Variants in CFAP20DC observed in about 807,000 individuals in gnomAD.
CFAP20DC encodes CFAP20 domain containing.
A neutral mutation model predicts 101.7 loss-of-function variants in CFAP20DC; 84 were observed. The observed-to-expected ratio is 0.83, with a 90% confidence interval of 0.69 to 0.99. The LOEUF (loss-of-function observed/expected upper bound fraction) is 0.99. Among genes scored for constraint, CFAP20DC ranks in the 50% least tolerant of loss-of-function variants. The pLI, the probability that CFAP20DC is intolerant of heterozygous loss-of-function variation, is 0.00. For synonymous variants in CFAP20DC, 359 were observed against 351.2 expected (o/e 1.02, Z -0.25); for missense variants, 1,007 against 970.3 (o/e 1.04, Z -0.50).
chr3:58,807,039 C>G (rs1478975212), intron 14 of CFAP20DC, among the ~76,000 whole-genome samples: 1 of 152,202 alleles, frequency 6.6e-6, no homozygotes, highest in South Asian at 2.1e-4. Flanking sequence ...ATTGCCCAGA[C>G]TTGCTTAGGT....
rs1253321407 is a variant in CFAP20DC at position 58,964,778 on chromosome 3, A to G, written c.279-27016T>C. On this transcript the variant is annotated intron_variant, in intron 4 of 16. Coordinates refer to ENST00000482387, the MANE Select transcript of CFAP20DC (RefSeq NM_001394063.1). The surrounding 1 kb of genome is among the most constrained non-coding windows in gnomAD (Gnocchi z 4.1). ...CGGAACCATAATTAACATAGCTCCT[A>G]TTAGATTTTGGTGATTACATCATTG... Among the ~76,000 whole-genome samples the G allele has an allele frequency of 6.6e-6, 1 of 152,154 alleles. No homozygotes were observed. Among genetic ancestry groups the G allele is most frequent in the Non-Finnish European group, 1.5e-5 (1 of 68,018 alleles).
chr3:58,864,430 A>T lies in CFAP20DC; in HGVS notation c.1259-538T>A, dbSNP rs1039634064. On this transcript the variant is annotated intron_variant, in intron 11 of 16. Coordinates refer to ENST00000482387, the MANE Select transcript of CFAP20DC (RefSeq NM_001394063.1). This position sits in a 1 kb window ranked among gnomAD's most constrained non-coding sequence, Gnocchi z 4.7. The stretch of plus-strand genomic sequence containing the variant: ...GGCAACTCATTTGCACTTCCTCTCC[A>T]TTTGAGTTGAAACACTGACCAGGAA... 4.6e-5 allele frequency among the ~76,000 whole-genome samples: 7 copies of T among 152,198 alleles called. No individual in the cohort carries two copies. The highest frequency in any genetic ancestry group is 8.8e-5 in the Non-Finnish European group (6 of 68,034).
At chr3:58,982,866 C>CA (rs200851338) in intron 4 of CFAP20DC, among the ~76,000 whole-genome samples, 3,180 of 151,650 alleles carry the variant, frequency 0.021, 102 homozygotes, top group African/African-American at 0.072. Flanking sequence ...ATAATAAAAA[C>CA]AAAAAAAGTT....
chr3:58,955,957 T>C lies in CFAP20DC; in HGVS notation c.279-18195A>G, dbSNP rs115475446. On this transcript the variant is annotated intron_variant, in intron 4 of 16. Transcript: ENST00000482387. ...CACTCTGGGCCAGAAGGGAACCCAC[T>C]GCCTTGGAGGAAAGATTCAGTATGG... Among the ~76,000 whole-genome samples the C allele has an allele frequency of 4.8e-3, 732 of 151,386 alleles. 4 individuals are homozygous for C. Among genetic ancestry groups the C allele is most frequent in the South Asian group, 0.015 (71 of 4,762 alleles).
intron 14 of CFAP20DC, among the ~76,000 whole-genome samples, chr3:58,806,715 T>C (rs1203204632): frequency 6.6e-6 from 1 of 152,110 alleles, no homozygotes; most frequent in Non-Finnish European, 1.5e-5. Flanking sequence ...AGATAGTGGG[T>C]GCAGGACAGT....
At chr3:58,934,143 C>A (rs1390583249) in intron 5 of CFAP20DC, among the ~76,000 whole-genome samples, 2 of 152,204 alleles carry the variant, frequency 1.3e-5, no homozygotes, top group Non-Finnish European at 2.9e-5. Flanking sequence ...ACTACAAACA[C>A]CTCTATGCAA....
At chr3:58,966,517 TATAA>T (rs1576516879) in intron 4 of CFAP20DC, among the ~76,000 whole-genome samples, 1 of 146,352 alleles carries the variant, frequency 6.8e-6, no homozygotes, top group East Asian at 2.0e-4. Flanking sequence ...TGTGTATATA[TATAA>T]ATATATATAT....
chr3:58,887,875 TA>T (rs1450173409), intron 6 of CFAP20DC, among the ~76,000 whole-genome samples: 10 of 152,354 alleles, frequency 6.6e-5, no homozygotes, highest in Admixed American at 3.3e-4. Flanking sequence ...AAATGAAGAC[TA>T]ACCATTAAGC....
Position 58,870,167 on chromosome 3 carries a change from T to A in CFAP20DC, c.852+6A>T, listed in dbSNP as rs1263599799. ...CTTAGATAAGCTCTCCAAACCTTGCTCCTACCTCGCTGGATATCTTCATGT... is the reference window on the plus strand; with the variant it reads ...CTTAGATAAGCTCTCCAAACCTTGCACCTACCTCGCTGGATATCTTCATGT... On this transcript the variant is annotated splice_donor_region_variant and intron_variant, in intron 8 of 16. Coordinates refer to ENST00000482387, the MANE Select transcript of CFAP20DC (RefSeq NM_001394063.1). The A allele has an allele frequency of 1.3e-6, 2 of 1,596,332 alleles. No homozygotes were observed. Among genetic ancestry groups the A allele is most frequent in the Admixed American group, 3.4e-5 (2 of 59,298 alleles).
intron 4 of CFAP20DC, among the ~76,000 whole-genome samples, chr3:58,979,321 A>T (rs2092418426): frequency 6.6e-6 from 1 of 152,222 alleles, no homozygotes; most frequent in African/African-American, 2.4e-5. Context: ...GAATAAAAGT[A>T]GTCTCTATCT....
At chr3:58,927,934 G>A (rs2107623210) in intron 5 of CFAP20DC, among the ~76,000 whole-genome samples, 1 of 152,240 alleles carries the variant, frequency 6.6e-6, no homozygotes, top group South Asian at 2.1e-4. Flanking sequence ...AGCACCTCTT[G>A]GATTGGGAGG....
chr3:58,749,210 A>G (rs2068405166), intron 16 of CFAP20DC, among the ~76,000 whole-genome samples: 1 of 152,196 alleles, frequency 6.6e-6, no homozygotes, highest in Non-Finnish European at 1.5e-5. Flanking sequence ...ACTGTGTCCT[A>G]GAAGCCACAC....
intron 3 of CFAP20DC, among the ~76,000 whole-genome samples, chr3:59,041,924 A>G (rs190296855): frequency 6.6e-6 from 1 of 152,250 alleles, no homozygotes; most frequent in East Asian, 1.9e-4. Flanking sequence ...CTGAGCACCT[A>G]CTACGTACAA....
intron 6 of CFAP20DC, among the ~76,000 whole-genome samples, chr3:58,903,573 A>G (rs1179580929): frequency 1.3e-5 from 2 of 152,210 alleles, no homozygotes; most frequent in South Asian, 2.1e-4. Context: ...ACTTACAATC[A>G]TGGTGGAAGG....
intron 5 of CFAP20DC, among the ~76,000 whole-genome samples, chr3:58,923,983 A>G (rs1214614060): frequency 6.6e-6 from 1 of 151,928 alleles, no homozygotes; most frequent in Admixed American, 6.6e-5. Flanking sequence ...CCTGATTTCA[A>G]TTTTACTGAC....
intron 13 of CFAP20DC, among the ~76,000 whole-genome samples, chr3:58,845,796 A>C (rs991443018): frequency 6.6e-6 from 1 of 150,548 alleles, no homozygotes; most frequent in Non-Finnish European, 1.5e-5. Context: ...CCAGCAGCAC[A>C]TCAAAAAGCT....
At position 58,757,385 on chromosome 3, in the gene CFAP20DC, C is replaced by T. The variant is rs147408274; in HGVS notation, c.2238-3522G>A. Among the ~76,000 whole-genome samples the T allele has an allele frequency of 8.7e-4, 133 of 152,148 alleles. 1 individual carries two copies. Among genetic ancestry groups the T allele is most frequent in the African/African-American group, 3.0e-3 (126 of 41,530 alleles). On this transcript the variant is annotated intron_variant, in intron 15 of 16. Coordinates refer to ENST00000482387, the MANE Select transcript of CFAP20DC (RefSeq NM_001394063.1). ...ACATGTGTACATACATACACACACACACATATATATATGCATGTGCCATAT... is the reference window on the plus strand; with the variant it reads ...ACATGTGTACATACATACACACACATACATATATATATGCATGTGCCATAT...
intron 14 of CFAP20DC, among the ~76,000 whole-genome samples, chr3:58,811,524 T>C (rs9814040): frequency 0.12 from 18,278 of 152,046 alleles, 2,012 homozygotes; most frequent in East Asian, 0.35. Flanking sequence ...GAAACTGGAT[T>C]CCTTCCTTAT....
At chr3:59,040,684 C>T (rs1374578619) in intron 3 of CFAP20DC, among the ~76,000 whole-genome samples, 2 of 152,010 alleles carry the variant, frequency 1.3e-5, no homozygotes, top group Non-Finnish European at 2.9e-5. Flanking sequence ...AAAGTAACAA[C>T]ACGTTTTTGG....
Sources: gnomAD v4.1 joint callset for allele counts (sites outside exome capture counted in the v4.1 genomes callset) on GRCh38, gnomAD v4.1.1 for gene constraint, Gnocchi (gnomAD v3.1) non-coding constraint, MANE v1.5 for transcripts, NCBI Gene and HGNC (gene_info 2026-07-23, HGNC 2026-07-21) for gene names.